Variants in PLEKHG1 observed in about 807,000 individuals in gnomAD.
PLEKHG1 encodes pleckstrin homology domain-containing family G member 1.
PLEKHG1 carries 44 observed loss-of-function variants against 100.8 expected under a neutral mutation model. That is an observed-to-expected ratio of 0.44 (90% CI 0.34 to 0.56). PLEKHG1 has a LOEUF of 0.56. Ranked by LOEUF, PLEKHG1 falls within the 20% of genes least tolerant of loss-of-function variation. The pLI is 0.01. For missense variants in PLEKHG1, 1,545 were observed against 1,720.9 expected (o/e 0.90, Z 1.81); for synonymous variants, 640 against 662.5 (o/e 0.97, Z 0.52).
exon 15 of PLEKHG1, chr6:150,832,110 A>T: frequency 5.0e-6 from 8 of 1,614,130 alleles, no homozygotes; most frequent in Non-Finnish European, 6.8e-6. Flanking sequence ...AAAAGTCTGG[A>T]GCTGGAGCAG....
exon 16 of PLEKHG1, chr6:150,843,175 T>C (rs888452884): frequency 2.0e-5 from 3 of 152,244 alleles, no homozygotes; most frequent in Non-Finnish European, 2.9e-5. Context: ...TCTCAGAAAT[T>C]ACTTCTTCAC....
In PLEKHG1 at chr6:150,810,496, GAGGGAAAGAAAGAAAGAAAAAGA is replaced by G. The variant is rs1179288983; in HGVS notation, c.1278+764_1278+786del. 4.2e-3 allele frequency among the ~76,000 whole-genome samples: 590 copies of G among 139,452 alleles called. 8 individuals are homozygous for G. Among genetic ancestry groups the G allele is most frequent in the Middle Eastern group, 0.014 (4 of 282 alleles). The allele number at this position is 139,452 out of a possible 152,430, so 91.5% of individuals were successfully genotyped here. A position where few individuals can be genotyped will look rare whatever the true frequency, so the allele number is the denominator to read the frequency against. On this transcript the variant is annotated intron_variant, in intron 10 of 15. Coordinates refer to ENST00000358517, the Ensembl canonical transcript of PLEKHG1. ...AGAAAGAAAGAAAGAAGGAAGGAAG[GAGGGAAAGAAAGAAAGAAAAAGA>G]AAGAAAGAAAGAAAGAAAGGAAGAA...
At chr6:150,652,720 C>CAAAAAAA (rs199612130) in intron 3 of PLEKHG1, among the ~76,000 whole-genome samples, 1 of 82,016 alleles carries the variant, frequency 1.2e-5, no homozygotes. Flanking sequence ...AACTGTGTCT[C>CAAAAAAA]AAAAAAAAAA....
intron 1 of PLEKHG1, among the ~76,000 whole-genome samples, chr6:150,605,248 C>T (rs1447859433): frequency 6.6e-6 from 1 of 152,162 alleles, no homozygotes; most frequent in Non-Finnish European, 1.5e-5. Flanking sequence ...ATCTCTAAAC[C>T]AGCCAGAGAA....
intron 5 of PLEKHG1, among the ~76,000 whole-genome samples, chr6:150,796,113 G>GA (rs1275122316): frequency 7.2e-5 from 11 of 152,112 alleles, no homozygotes; most frequent in Non-Finnish European, 1.5e-4. Context: ...CCAGTGTGGG[G>GA]AAAAATTGTA....
intron 15 of PLEKHG1, among the ~76,000 whole-genome samples, chr6:150,835,632 G>A (rs562704222): frequency 6.6e-6 from 1 of 152,296 alleles, no homozygotes; most frequent in East Asian, 1.9e-4. Flanking sequence ...CAACTCAGCT[G>A]ACTAATACTA....
chr6:150,710,818 T>TCTCA (rs1385353952), intron 3 of PLEKHG1, among the ~76,000 whole-genome samples: 2 of 152,096 alleles, frequency 1.3e-5, no homozygotes, highest in African/African-American at 4.8e-5. Flanking sequence ...GTTGACCTCT[T>TCTCA]CTCAACCTTC....
chr6:150,622,587 A>G (rs1214931127), intron 1 of PLEKHG1, among the ~76,000 whole-genome samples: 2 of 152,064 alleles, frequency 1.3e-5, no homozygotes, highest in Admixed American at 1.3e-4. Flanking sequence ...CTCAGATGCC[A>G]TTTCCACCCC....
At chr6:150,628,938 G>A (rs1028646872) in intron 1 of PLEKHG1, among the ~76,000 whole-genome samples, 1 of 152,186 alleles carries the variant, frequency 6.6e-6, no homozygotes, top group Non-Finnish European at 1.5e-5. Context: ...GAGCAAGTGA[G>A]TGTGTGCATA....
rs370044952 is a variant in PLEKHG1, at chr6:150,680,719, G to A, written c.-99+29933G>A. ...TGATAATTACCAGTTGGGTTAAGCAGCATCATATTACAGGTAACTGTTTTG... is the reference window on the plus strand; with the variant it reads ...TGATAATTACCAGTTGGGTTAAGCAACATCATATTACAGGTAACTGTTTTG... On this transcript the variant is annotated intron_variant, in intron 3 of 3. Coordinates refer to the PLEKHG1 transcript ENST00000367326. 2.6e-5 allele frequency among the ~76,000 whole-genome samples: 4 copies of A among 152,338 alleles called. No individual in the cohort carries two copies. The South Asian group carries it at 6.2e-4, about 24-fold the overall frequency.
intron 2 of PLEKHG1, among the ~76,000 whole-genome samples, chr6:150,761,088 T>C (rs1784128207): frequency 7.0e-6 from 1 of 142,740 alleles, no homozygotes; most frequent in South Asian, 2.2e-4. Context: ...AATTGATTTC[T>C]TTCTTTTTTT....
At chr6:150,819,257 C>G (rs1202027072) in intron 11 of PLEKHG1, among the ~76,000 whole-genome samples, 1 of 151,664 alleles carries the variant, frequency 6.6e-6, no homozygotes, top group Non-Finnish European at 1.5e-5. Flanking sequence ...ATATCCATGT[C>G]AGATGAAAAA....
rs1403348206 is a variant in PLEKHG1 at position 150,736,996 on chromosome 6, G to T, written c.411+2904G>T. Among the ~76,000 whole-genome samples, 2 of 152,134 alleles carry T rather than the reference G, an allele frequency of 1.3e-5. 1 individual carries two copies. Among genetic ancestry groups the T allele is most frequent in the East Asian group, 3.9e-4 (2 of 5,182 alleles). ...GAAAGAGTCCCAAATGAAGAGGGAG[G>T]GACCCAGGCAGGAAGAGCTAGATGC... On this transcript the variant is annotated intron_variant, in intron 2 of 15. Transcript: ENST00000358517.
intron 1 of PLEKHG1, among the ~76,000 whole-genome samples, chr6:150,726,443 A>AT (rs1781968502): frequency 6.6e-6 from 1 of 152,170 alleles, no homozygotes; most frequent in South Asian, 2.1e-4. Context: ...AATAAAATAC[A>AT]TTTTTTAATT....
chr6:150,819,116 A>ATTT (rs56049606), intron 11 of PLEKHG1, among the ~76,000 whole-genome samples: 1 of 133,054 alleles, frequency 7.5e-6, no homozygotes, highest in African/African-American at 2.8e-5. Context: ...TTGCCTTCGG[A>ATTT]TTTTTTTTTT....
intron 2 of PLEKHG1, among the ~76,000 whole-genome samples, chr6:150,745,949 A>G (rs1411484942): frequency 6.6e-6 from 1 of 152,176 alleles, no homozygotes; most frequent in African/African-American, 2.4e-5. Flanking sequence ...AAAGATTAAA[A>G]GAATAGAGAA....
chr6:150,746,445 C>A (rs1783168536), intron 2 of PLEKHG1, among the ~76,000 whole-genome samples: 1 of 152,124 alleles, frequency 6.6e-6, no homozygotes. Context: ...ATGATAGACC[C>A]TTGCCAAAAA....
chr6:150,789,719 A>T (rs1785856362), intron 4 of PLEKHG1, among the ~76,000 whole-genome samples: 1 of 152,246 alleles, frequency 6.6e-6, no homozygotes, highest in South Asian at 2.1e-4. Context: ...GGTTGAGTAT[A>T]GCAAGAGGCA....
At chr6:150,796,396 G>A (rs924256369) in intron 5 of PLEKHG1, among the ~76,000 whole-genome samples, 6 of 152,172 alleles carry the variant, frequency 3.9e-5, no homozygotes, top group Non-Finnish European at 8.8e-5. Flanking sequence ...GAGGGGCATC[G>A]TCATCTCGCC....
Sources: allele counts gnomAD v4.1 joint callset (sites outside exome capture counted in the v4.1 genomes callset), GRCh38; gene constraint gnomAD v4.1.1; transcripts MANE v1.5; gene names NCBI Gene and HGNC (gene_info 2026-07-23, HGNC 2026-07-21).